The following SHOX variants were observed in gnomAD, a reference collection of about 807,000 sequenced individuals.
SHOX encodes SHOX homeobox, also known as short stature homeobox protein.
SHOX carries 12 observed loss-of-function variants against 29.6 expected under a neutral mutation model. That is an observed-to-expected ratio of 0.41 (90% CI 0.26 to 0.66). The LOEUF is 0.66. SHOX is among the 30% of genes least tolerant of loss of function. The pLI is 0.35. For missense variants in SHOX, 499 were observed against 437.7 expected (o/e 1.14, Z -1.25); for synonymous variants, 214 against 200.6 (o/e 1.07, Z -0.57).
rs940157310 is a variant in SHOX, at chrX:650,210, C to A, written c.*5574C>A. On this transcript the variant is annotated 3_prime_UTR_variant, in exon 5 of 5. Coordinates refer to ENST00000686671, the MANE Select transcript of SHOX (RefSeq NM_000451.4). ...CTGTACGATTTAGAGCGTAACTGACCGCGTCCAACACCCGTTTTTCCACTT... is the reference window on the plus strand; with the variant it reads ...CTGTACGATTTAGAGCGTAACTGACAGCGTCCAACACCCGTTTTTCCACTT... Among the ~76,000 whole-genome samples the A allele has an allele frequency of 6.6e-6, 1 of 152,148 alleles. No individual in the cohort carries two copies. The highest frequency in any genetic ancestry group is 2.4e-5 in the African/African-American group (1 of 41,438).
rs192269539 is a variant in SHOX, at chrX:658,868, G to A, written c.*39G>A. On this transcript the variant is annotated 3_prime_UTR_variant, in exon 6 of 6. Coordinates refer to the SHOX transcript ENST00000334060. ...CAACCTCCGCCTCCCGAGTTCAAGCGATTCTCCTGCCTCAGCCTCCCGAGT... is the reference window on the plus strand; with the variant it reads ...CAACCTCCGCCTCCCGAGTTCAAGCAATTCTCCTGCCTCAGCCTCCCGAGT... 2.3e-3 allele frequency: 796 copies of A among 344,738 alleles called. 4 individuals are homozygous for A. Among genetic ancestry groups the A allele is most frequent in the African/African-American group, 0.017 (726 of 43,872 alleles). 21.4% of individuals were successfully genotyped at this position (344,738 alleles called of 1,614,324 possible). A position where few individuals can be genotyped will look rare whatever the true frequency, so the allele number is the denominator to read the frequency against.
In SHOX at chrX:641,097, T is replaced by G; in HGVS notation, c.633+10T>G. 1 of 1,613,232 alleles carries G rather than the reference T, an allele frequency of 6.2e-7. No homozygotes were observed. Among genetic ancestry groups the G allele is most frequent in the Non-Finnish European group, 8.5e-7 (1 of 1,179,338 alleles). On this transcript the variant is annotated intron_variant, in intron 4 of 4. Transcript: ENST00000686671. ...GATGCCTTTCCAACAGGTAGCTCACTTTTTCTTCCTCTGAAGATCCCTAGG... is the reference window on the plus strand; with the variant it reads ...GATGCCTTTCCAACAGGTAGCTCACGTTTTCTTCCTCTGAAGATCCCTAGG...
chrX:655,482 G>A (rs190200130), downstream of SHOX, among the ~76,000 whole-genome samples: 51 of 151,586 alleles, frequency 3.4e-4, no homozygotes, highest in Admixed American at 1.7e-3. Flanking sequence ...GCTCCTGCCC[G>A]TGATCCCAGT....
At chrX:628,439 G>C (rs1378995679), upstream of SHOX, among the ~76,000 whole-genome samples, 2 of 104,084 alleles carry the variant, frequency 1.9e-5, no homozygotes, top group African/African-American at 3.8e-5. Flanking sequence ...CCCTGTCTGT[G>C]TCTCTCTTTC....
At chrX:624,865 T>TCTTTCTTTCCTTC (rs1195432141) in intron 1 of SHOX, among the ~76,000 whole-genome samples, 1 of 84,208 alleles carries the variant, frequency 1.2e-5, no homozygotes, top group Non-Finnish European at 2.2e-5. Context: ...TTCTTTCTTT[T>TCTTTCTTTCCTTC]CTTTCTTTCT....
downstream of SHOX, among the ~76,000 whole-genome samples, chrX:655,548 G>A (rs1300618368): frequency 2.1e-5 from 3 of 139,798 alleles, no homozygotes; most frequent in African/African-American, 8.1e-5. Flanking sequence ...ACCAACCTCA[G>A]CAAAAAGGAC....
In SHOX at chrX:646,527, G is replaced by A. The variant is rs2052966448; in HGVS notation, c.*1891G>A. The A allele has an allele frequency of 7.1e-6, 1 of 140,124 alleles. No homozygotes were observed. Among genetic ancestry groups the A allele is most frequent in the African/African-American group, 3.1e-5 (1 of 32,502 alleles). 8.7% of individuals were successfully genotyped at this position (140,124 alleles called of 1,614,324 possible). A position where few individuals can be genotyped will look rare whatever the true frequency, so the allele number is the denominator to read the frequency against. On this transcript the variant is annotated 3_prime_UTR_variant, in exon 5 of 5. Transcript: ENST00000686671. ...TGATTTAGATACTTCTCCCTGAGGT[G>A]GGGATAAAAGAAAAAAAAAAACAAC...
At chrX:656,115 G>C (rs958701269), downstream of SHOX, among the ~76,000 whole-genome samples, 41 of 138,592 alleles carry the variant, frequency 3.0e-4, no homozygotes, top group Non-Finnish European at 4.2e-4. Flanking sequence ...TTCAAGACCA[G>C]CCTCGGCAAC....
chrX:643,413 C>G, intron 4 of SHOX, among the ~76,000 whole-genome samples: 1 of 142,472 alleles, frequency 7.0e-6, no homozygotes. Flanking sequence ...GGCTTGGGGA[C>G]CTGGTGACCT....
At chrX:625,577 T>C (rs913577093) in intron 1 of SHOX, among the ~76,000 whole-genome samples, 1 of 151,320 alleles carries the variant, frequency 6.6e-6, no homozygotes, top group African/African-American at 2.4e-5. Flanking sequence ...TCTCTGTCCA[T>C]CTCTGTCTCT....
rs2052485772 is a variant in SHOX, at chrX:624,904, C to CTTCCTTTCTTTCTTTCTT, written c.-433+303_-433+304insTCCTTTCTTTCTTTCTTT. On this transcript the variant is annotated intron_variant, in intron 1 of 5. Coordinates refer to the SHOX transcript ENST00000334060. ...TTTCTTTCTTTCTTTCTTTCTTTCT[C>CTTCCTTTCTTTCTTTCTT]TCTTCCTTTCTTTCTTTCTTTCTTT... Among the ~76,000 whole-genome samples the CTTCCTTTCTTTCTTTCTT allele has an allele frequency of 6.0e-4, 57 of 94,850 alleles. 3 individuals carry two copies. The highest frequency in any genetic ancestry group is 6.6e-4 in the Non-Finnish European group (31 of 46,916). 62.2% of individuals were successfully genotyped at this position (94,850 alleles called of 152,430 possible).
rs753314339 is a variant in SHOX at position 656,657 on chromosome X, C to T, written c.634-2128C>T. 3.2e-4 allele frequency among the ~76,000 whole-genome samples: 49 copies of T among 152,124 alleles called. No individual in the cohort carries two copies. The South Asian group carries it at 5.2e-3, about 16-fold the overall frequency. On this transcript the variant is annotated intron_variant, in intron 5 of 5. Coordinates refer to the SHOX transcript ENST00000334060. ...GAGATCGAGACCATCCTGGCTAACA[C>T]GGTGAAACCCCGTCTCTACTAAAAA...
chrX:653,881 A>T (rs1304622359), downstream of SHOX, among the ~76,000 whole-genome samples: 1 of 151,956 alleles, frequency 6.6e-6, no homozygotes, highest in East Asian at 1.9e-4. Flanking sequence ...AAACACACGG[A>T]GATAAGCTTT....
At chrX:652,903 C>T (rs2053087951), downstream of SHOX, among the ~76,000 whole-genome samples, 1 of 143,782 alleles carries the variant, frequency 7.0e-6, no homozygotes, top group African/African-American at 2.6e-5. Context: ...GGGGCAAACG[C>T]AGGCAAGTTC....
At chrX:656,715 C>G (rs552455546) in intron 5 of SHOX, among the ~76,000 whole-genome samples, 2 of 151,496 alleles carry the variant, frequency 1.3e-5, no homozygotes, top group Admixed American at 1.3e-4. Flanking sequence ...TGGTGGCGGG[C>G]GCCTGTAGTC....
upstream of SHOX, among the ~76,000 whole-genome samples, chrX:628,637 C>A (rs1250682492): frequency 3.2e-4 from 8 of 24,634 alleles, no homozygotes; most frequent in South Asian, 1.5e-3. Flanking sequence ...GTGTTTCTCT[C>A]TCTCCATCTC....
chrX:631,201 G>T (rs1266740600), intron 1 of SHOX, 27 bp downstream of exon 1: 23 of 1,603,468 alleles, frequency 1.4e-5, no homozygotes, highest in East Asian at 2.2e-5. Flanking sequence ...TCCGGCTCCA[G>T]GGGGGCCCTC....
chrX:625,907 C>T (rs765559511), upstream of SHOX, among the ~76,000 whole-genome samples: 148 of 139,006 alleles, frequency 1.1e-3, 1 homozygote, highest in African/African-American at 3.8e-3. Flanking sequence ...CTTTCTCTGT[C>T]TCTGTCTGTA....
At chrX:651,641 GAAAAA>G (rs553983413), downstream of SHOX, among the ~76,000 whole-genome samples, 8 of 107,532 alleles carry the variant, frequency 7.4e-5, no homozygotes, top group African/African-American at 2.9e-4. Context: ...AGGCTTATTG[GAAAAA>G]AAAAAAAAAA....
Sources: allele counts gnomAD v4.1 joint callset (sites outside exome capture counted in the v4.1 genomes callset), GRCh38; gene constraint gnomAD v4.1.1; transcripts MANE v1.5; gene names NCBI Gene and HGNC (gene_info 2026-07-23, HGNC 2026-07-21).